The following ULK2 variants were observed in gnomAD, a reference collection of about 807,000 sequenced individuals.
The protein encoded by ULK2 is serine/threonine-protein kinase ULK2.
In ULK2, 76 loss-of-function variants were observed where a neutral mutation model predicts 127.5. That is an observed-to-expected ratio of 0.60 (90% CI 0.50 to 0.72). The LOEUF is 0.72. Ranked by LOEUF, ULK2 falls within the 30% of genes least tolerant of loss-of-function variation. ULK2 has a pLI of 0.00. For missense variants in ULK2, 1,144 were observed against 1,295.9 expected, an observed-to-expected ratio of 0.88 and a Z score of 1.80; for synonymous variants, 452 against 461.9, an observed-to-expected ratio of 0.98 and a Z score of 0.28.
Position 19,783,702 on chromosome 17 carries a change from T to A in ULK2, c.2455A>T (p.Met819Leu). Reference sequence around the variant, plus strand: ...CACTATAGTCTCTTTTCTACCTCCATCAGCGTCTCCTCCGGCAGTTCAGGG... The same window carrying A: ...CACTATAGTCTCTTTTCTACCTCCAACAGCGTCTCCTCCGGCAGTTCAGGG... ...EAPELPEETLMEREHTDTLRH... is the reference protein window; with the variant it reads ...EAPELPEETLLEREHTDTLRH... Residue 819 changes from methionine to leucine, a missense_variant, in exon 22 of 27, where the codon ATG becomes TTG. This residue lies in a region of ULK2 where 913 missense variants were observed against 970.5 expected (regional missense o/e 0.94). Coordinates refer to ENST00000395544, the MANE Select transcript of ULK2 (RefSeq NM_014683.4). 3 of 1,527,000 alleles carry A rather than the reference T, an allele frequency of 2.0e-6. No individual in the cohort carries two copies. Among genetic ancestry groups the A allele is most frequent in the Non-Finnish European group, 2.6e-6 (3 of 1,135,206 alleles). 94.6% of individuals were successfully genotyped at this position (1,527,000 alleles called of 1,614,324 possible).
chr17:19,794,539 C>T (rs113763700), intron 20 of ULK2, among the ~76,000 whole-genome samples: 4,675 of 152,184 alleles, frequency 0.031, 226 homozygotes, highest in African/African-American at 0.11. Context: ...GACAAAAACA[C>T]ACCTCACCTA....
intron 19 of ULK2, 46 bp downstream of exon 19, chr17:19,796,049 T>G: frequency 6.4e-7 from 1 of 1,566,712 alleles, no homozygotes; most frequent in Non-Finnish European, 8.6e-7. Flanking sequence ...TATGTTTTAC[T>G]ATTACAGTTT....
chr17:19,789,304 T>C (rs2087102904), intron 20 of ULK2, among the ~76,000 whole-genome samples: 1 of 151,804 alleles, frequency 6.6e-6, no homozygotes, highest in South Asian at 2.1e-4. Context: ...CAAAAGTCTC[T>C]AGCTGGTAAT....
Position 19,777,145 on chromosome 17 carries a change from C to A in ULK2, c.3052+436G>T, listed in dbSNP as rs530765195. On this transcript the variant is annotated intron_variant, in intron 26 of 26. Transcript: ENST00000395544. Reference sequence around the variant, plus strand: ...CGTAGAATGGAGTCTTGCTTTGTCGCCCAGGCTGGAGTGCAGTGGCACAAT... The same window carrying A: ...CGTAGAATGGAGTCTTGCTTTGTCGACCAGGCTGGAGTGCAGTGGCACAAT... 1.2e-3 allele frequency among the ~76,000 whole-genome samples: 185 copies of A among 152,310 alleles called. 1 individual carries two copies. Among genetic ancestry groups the A allele is most frequent in the African/African-American group, 4.2e-3 (174 of 41,566 alleles).
rs869294657 is a variant in ULK2 at position 19,842,190 on chromosome 17, CTTTTTTTTTTTTTT to C, written c.646-657_646-644del. Reference sequence around the variant, plus strand: ...TGGCTGTGTCACTAATTTTCTTTTTCTTTTTTTTTTTTTTTTTTTTTTTTGAGACAGAGTTTCGC... The same window carrying C: ...TGGCTGTGTCACTAATTTTCTTTTTCTTTTTTTTTTGAGACAGAGTTTCGC... On this transcript the variant is annotated intron_variant, in intron 8 of 26. Coordinates refer to ENST00000395544, the MANE Select transcript of ULK2 (RefSeq NM_014683.4). 5.7e-5 allele frequency among the ~76,000 whole-genome samples: 5 copies of C among 88,398 alleles called. No homozygotes were observed. In the Admixed American group the frequency reaches 6.8e-4, roughly 12 times the overall value. 58.0% of individuals were successfully genotyped at this position (88,398 alleles called of 152,430 possible). A position where few individuals can be genotyped will look rare whatever the true frequency, so the allele number is the denominator to read the frequency against.
At chr17:19,780,763 AT>A in intron 24 of ULK2, 134 bp from the exon 25 acceptor site, 1 of 1,104,664 alleles carries the variant, frequency 9.1e-7, no homozygotes, top group Non-Finnish European at 1.3e-6. Context: ...CAGAAATAGG[AT>A]TTTTTCATGT....
In ULK2 at chr17:19,867,536, GCCCCGGGCCCGGGCGGA is replaced by G. The variant is rs2042382076; in HGVS notation, c.-136_-120del. ...GTGCGGCGGGTCTGGGGCAGCCGCA[GCCCCGGGCCCGGGCGGA>G]CTCTCATGCCGAGAGACCGGAGCGG... is the stretch of plus-strand genomic sequence containing the variant. On this transcript the variant is annotated 5_prime_UTR_variant, in exon 1 of 27. An upstream open reading frame in the 5' UTR loses its in-frame stop. Transcript: ENST00000395544. 1 of 557,218 alleles carries G rather than the reference GCCCCGGGCCCGGGCGGA, an allele frequency of 1.8e-6. No individual in the cohort carries two copies. The highest frequency in any genetic ancestry group is 2.6e-6 in the Non-Finnish European group (1 of 381,198). 34.5% of individuals were successfully genotyped at this position (557,218 alleles called of 1,614,324 possible).
intron 13 of ULK2, among the ~76,000 whole-genome samples, chr17:19,813,455 A>G (rs1470279136): frequency 1.3e-5 from 2 of 152,156 alleles, no homozygotes; most frequent in African/African-American, 4.8e-5. Context: ...AAATATGACC[A>G]AAAAAAGATA....
At chr17:19,817,053 A>T in intron 12 of ULK2, 133 bp from the exon 13 acceptor site, 1 of 714,142 alleles carries the variant, frequency 1.4e-6, no homozygotes, top group African/African-American at 1.9e-5. Context: ...AGGTTTCAAA[A>T]AAATCTCTTT....
chr17:19,795,537 T>G, intron 20 of ULK2, 85 bp downstream of exon 20: 1 of 1,080,980 alleles, frequency 9.3e-7, no homozygotes, highest in South Asian at 1.3e-5. Flanking sequence ...CCACCAAGCA[T>G]GTGATGATTT....
rs190152952 is a variant in ULK2 at position 19,771,570 on chromosome 17, A to C, written c.*4779T>G. 1.3e-5 allele frequency: 2 copies of C among 152,400 alleles called. No homozygotes were observed. Among genetic ancestry groups the C allele is most frequent in the Non-Finnish European group, 2.9e-5 (2 of 68,074 alleles). 9.4% of individuals were successfully genotyped at this position (152,400 alleles called of 1,614,324 possible). On this transcript the variant is annotated 3_prime_UTR_variant, in exon 27 of 27. Coordinates refer to ENST00000395544, the MANE Select transcript of ULK2 (RefSeq NM_014683.4). ...AGCAGTGAAGAGCCACAGAGTGATG[A>C]CCACTACAACGGATACAGGATTGCT...
chr17:19,816,725 T>C (rs570551483), intron 13 of ULK2, 24 bp downstream of exon 13: 2 of 1,531,912 alleles, frequency 1.3e-6, no homozygotes, highest in Admixed American at 2.3e-5. Flanking sequence ...AAATACAATG[T>C]GTACAAGTAG....
At chr17:19,829,315 C>A (rs1458892160) in intron 10 of ULK2, among the ~76,000 whole-genome samples, 2 of 151,896 alleles carry the variant, frequency 1.3e-5, no homozygotes, top group Non-Finnish European at 2.9e-5. Flanking sequence ...GTGGGTGGAT[C>A]GTTTGAGTTC....
chr17:19,848,383 T>C (rs1021885886), intron 5 of ULK2: 1 of 152,232 alleles, frequency 6.6e-6, no homozygotes, highest in Non-Finnish European at 1.5e-5. Context: ...ACATTAGTAT[T>C]TGGAACAAGT....
At chr17:19,863,748 C>G (rs1230599920) in intron 3 of ULK2, among the ~76,000 whole-genome samples, 2 of 152,024 alleles carry the variant, frequency 1.3e-5, no homozygotes, top group Non-Finnish European at 2.9e-5. Flanking sequence ...ACCCAGAAAA[C>G]AGCAATTTTC....
intron 11 of ULK2, 108 bp downstream of exon 11, chr17:19,826,030 TG>T: frequency 2.4e-5 from 5 of 212,466 alleles, no homozygotes; most frequent in Non-Finnish European, 3.9e-5. Flanking sequence ...ATAAATTCAA[TG>T]AAATTTTAGG....
Position 19,843,111 on chromosome 17 carries a change from G to A in ULK2, c.645+10C>T. 10 of 1,607,060 alleles carry A rather than the reference G, an allele frequency of 6.2e-6. No individual in the cohort carries two copies. Among genetic ancestry groups the A allele is most frequent in the Non-Finnish European group, 8.5e-6 (10 of 1,173,892 alleles). ...CCAAAACTGAGGACATAAGAAAAAA[G>A]TCAGCCTACCTGAAAAGGTGGTTTT... On this transcript the variant is annotated intron_variant, in intron 8 of 26. Transcript: ENST00000395544.
chr17:19,782,371 A>C (rs2086937952), intron 22 of ULK2, among the ~76,000 whole-genome samples: 1 of 152,244 alleles, frequency 6.6e-6, no homozygotes, highest in Admixed American at 6.5e-5. Flanking sequence ...ATCAATATAC[A>C]TGAGACAAAA....
chr17:19,854,908 G>C (rs1166085680), intron 3 of ULK2, among the ~76,000 whole-genome samples: 1 of 151,648 alleles, frequency 6.6e-6, no homozygotes, highest in Non-Finnish European at 1.5e-5. Context: ...AGACCAGCCT[G>C]GCCAAGATGG....
Sources: allele counts gnomAD v4.1 joint callset (sites outside exome capture counted in the v4.1 genomes callset), GRCh38; gene constraint gnomAD v4.1.1; regional missense constraint gnomAD v4.1.1; transcripts MANE v1.5; gene names NCBI Gene and HGNC (gene_info 2026-07-23, HGNC 2026-07-21).